COL4A5: variants seen among roughly 807,000 people sequenced by gnomAD.
The protein encoded by COL4A5 is collagen alpha-5(IV) chain.
Under a neutral mutation model 130.2 loss-of-function variants are expected in COL4A5, and 26 were observed. The observed-to-expected ratio is 0.20, with a 90% confidence interval of 0.15 to 0.28. The LOEUF is 0.28. Among genes scored for constraint, COL4A5 ranks in the 10% least tolerant of loss-of-function variants. The pLI is 1.00. For missense variants in COL4A5, 1,131 were observed against 1,344.3 expected (o/e 0.84, Z 2.48); for synonymous variants, 496 against 439.6 (o/e 1.13, Z -1.60).
intron 1 of COL4A5, among the ~76,000 whole-genome samples, chrX:108,484,967 C>T (rs2064930096): frequency 8.9e-6 from 1 of 112,089 alleles, no homozygotes; most frequent in Admixed American, 9.4e-5. Flanking sequence ...TGCACTCTAC[C>T]TGGTGTGTTC....
At chrX:108,529,945 A>G (rs2065363928) in intron 1 of COL4A5, among the ~76,000 whole-genome samples, 1 of 111,635 alleles carries the variant, frequency 9.0e-6, no homozygotes, top group Non-Finnish European at 1.9e-5. Context: ...AGATGACAAT[A>G]CAATCAAAGT....
At position 108,473,613 on chromosome X, in the gene COL4A5, G is replaced by GTATATATATATA. The variant is rs1230922272; in HGVS notation, c.81+33417_81+33428dup. Among the ~76,000 whole-genome samples the GTATATATATATA allele has an allele frequency of 2.2e-3, 103 of 45,954 alleles. 1 individual carries two copies. Among genetic ancestry groups the GTATATATATATA allele is most frequent in the South Asian group, 3.2e-3 (3 of 945 alleles). The allele number at this position is 45,954 out of a possible 115,157, so 39.9% of individuals were successfully genotyped here. ...TAAAGTTTTATATATATATATATATGTATATATATATATATATATATTTTT... is the reference window on the plus strand; with the variant it reads ...TAAAGTTTTATATATATATATATATGTATATATATATATATATATATATATATATATATTTTT... On this transcript the variant is annotated intron_variant, in intron 1 of 52. Transcript: ENST00000328300.
In COL4A5 at chrX:108,620,320, A is replaced by G. The variant is rs41311553; in HGVS notation, c.2571A>G (p.Gly857=). 1.8e-4 allele frequency: 221 copies of G among 1,207,174 alleles called. No individual in the cohort carries two copies. The highest frequency in any genetic ancestry group is 2.4e-4 in the Non-Finnish European group (214 of 893,550). Residue 857 remains glycine (G), a synonymous_variant, in exon 31 of 53, where the codon GGA becomes GGG. Transcript: ENST00000328300. ...DPGPPGLDVP[G]PPGERGSPGI... ...GACCTCCTGGACTTGATGTTCCAGG[A>G]CCCCCAGGTGAAAGAGGCAGTCCAG...
intron 1 of COL4A5, among the ~76,000 whole-genome samples, chrX:108,455,244 T>A (rs1470810893): frequency 8.9e-6 from 1 of 112,088 alleles, no homozygotes; most frequent in Non-Finnish European, 1.9e-5. Context: ...TATTTTGAGA[T>A]TCATCCATGT....
intron 10 of COL4A5, among the ~76,000 whole-genome samples, chrX:108,577,380 A>C (rs1463441100): frequency 2.8e-5 from 3 of 106,689 alleles, no homozygotes; most frequent in Admixed American, 1.0e-4. Flanking sequence ...CTCAAAAAAA[A>C]AAAAAAAAAA....
intron 44 of COL4A5, among the ~76,000 whole-genome samples, chrX:108,677,924 AT>A (rs1453540425): frequency 8.9e-6 from 1 of 112,004 alleles, no homozygotes; most frequent in African/African-American, 3.2e-5. Context: ...CAAAGGAGAC[AT>A]GCATATTAGA....
intron 13 of COL4A5, among the ~76,000 whole-genome samples, chrX:108,579,100 T>G (rs1396344011): frequency 1.2e-4 from 13 of 111,826 alleles, no homozygotes; most frequent in Non-Finnish European, 1.9e-5. Flanking sequence ...AAACTATCAG[T>G]GCAATCTAAC....
chrX:108,470,825 G>A (rs1323267077), intron 1 of COL4A5, among the ~76,000 whole-genome samples: 1 of 111,679 alleles, frequency 9.0e-6, no homozygotes, highest in Non-Finnish European at 1.9e-5. Flanking sequence ...TTTCATATAT[G>A]GTGAGAGGTA....
chrX:108,694,168 T>C (rs1342615100), intron 50 of COL4A5: 1 of 111,978 alleles, frequency 8.9e-6, no homozygotes, highest in African/African-American at 3.3e-5. Flanking sequence ...CTCAGTAATA[T>C]GTCAAGAGGT....
chrX:108,500,537 T>C (rs931053545), intron 1 of COL4A5, among the ~76,000 whole-genome samples: 1 of 112,057 alleles, frequency 8.9e-6, no homozygotes, highest in African/African-American at 3.2e-5. Context: ...AAGAATTATC[T>C]AGTCACATTT....
At chrX:108,454,479 G>A (rs1367540470) in intron 1 of COL4A5, among the ~76,000 whole-genome samples, 1 of 110,903 alleles carries the variant, frequency 9.0e-6, no homozygotes, top group Non-Finnish European at 1.9e-5. Context: ...GTTTCACCAC[G>A]TTGGCCAGGC....
chrX:108,655,438 A>C lies in COL4A5; in HGVS notation c.3354A>C (p.Pro1118=). 1.7e-6 allele frequency: 2 copies of C among 1,211,108 alleles called. No individual in the cohort carries two copies. Among genetic ancestry groups the C allele is most frequent in the Non-Finnish European group, 2.2e-6 (2 of 895,168 alleles). Reference sequence around the variant, plus strand: ...GAACCCCTGGAGCAAAAGGACAACCAGGCCTTCCTGGATTCCCAGGTAAAA... The same window carrying C: ...GAACCCCTGGAGCAAAAGGACAACCCGGCCTTCCTGGATTCCCAGGTAAAA... ...LPGTPGAKGQ[P]GLPGFPGTPG... is the part of the protein sequence containing the mutation. Residue 1118 remains proline, a synonymous_variant, in exon 37 of 53, where the codon CCA becomes CCC. Transcript: ENST00000328300.
chrX:108,609,488 C>T (rs1412011767), intron 29 of COL4A5, among the ~76,000 whole-genome samples: 1 of 111,729 alleles, frequency 9.0e-6, no homozygotes, highest in African/African-American at 3.2e-5. Flanking sequence ...TGCATACTGG[C>T]CCTTTCCTAG....
At chrX:108,507,263 A>AAAG (rs2065134643) in intron 1 of COL4A5, among the ~76,000 whole-genome samples, 5 of 95,147 alleles carry the variant, frequency 5.3e-5, no homozygotes, top group African/African-American at 2.2e-4. Context: ...AAAAAAAAAG[A>AAAG]AAAAAAAAAA....
At chrX:108,526,671 CTCTTTCTTTCTTTCTT>C (rs71946950) in intron 1 of COL4A5, among the ~76,000 whole-genome samples, 1,112 of 41,771 alleles carry the variant, frequency 0.027, 28 homozygotes, top group African/African-American at 0.072. Flanking sequence ...TTCTTTCTTT[CTCTTTCTTTCTTTCTT>C]TCTTTCTTTC....
chrX:108,607,946 G>T (rs28765154), intron 29 of COL4A5, among the ~76,000 whole-genome samples: 1 of 111,239 alleles, frequency 9.0e-6, no homozygotes, highest in Non-Finnish European at 1.9e-5. Context: ...GTTAAATTGC[G>T]TGGATATACC....
chrX:108,686,270 A>T (rs2068543913), intron 48 of COL4A5, 141 bp downstream of exon 48: 1 of 516,096 alleles, frequency 1.9e-6, no homozygotes, highest in South Asian at 2.6e-5. Context: ...CCTGAGGAAA[A>T]TAGGAAAGCA....
chrX:108,522,541 T>A (rs1418453336), intron 1 of COL4A5, among the ~76,000 whole-genome samples: 1 of 104,606 alleles, frequency 9.6e-6, no homozygotes, highest in Admixed American at 1.1e-4. Flanking sequence ...TTATTAACGA[T>A]GTTGAGCATA....
chrX:108,441,757 C>A (rs987340662), intron 1 of COL4A5, among the ~76,000 whole-genome samples: 3 of 110,999 alleles, frequency 2.7e-5, no homozygotes, highest in Non-Finnish European at 5.7e-5. Flanking sequence ...GGCATTTGGC[C>A]CAGGGACAAA....
Sources: gnomAD v4.1 joint callset for allele counts (sites outside exome capture counted in the v4.1 genomes callset) on GRCh38, gnomAD v4.1.1 for gene constraint, MANE v1.5 for transcripts, NCBI Gene and HGNC (gene_info 2026-07-23, HGNC 2026-07-21) for gene names.